SRRM4: variants seen among roughly 807,000 people sequenced by gnomAD.
SRRM4 encodes serine/arginine repetitive matrix 4.
A neutral mutation model predicts 68.9 loss-of-function variants in SRRM4; 33 were observed. That is an observed-to-expected ratio of 0.48 (90% CI 0.36 to 0.64). SRRM4 has a LOEUF of 0.64. SRRM4 is among the 30% of genes least tolerant of loss of function. The pLI is 0.00. For synonymous variants in SRRM4, 318 were observed against 318.8 expected (o/e 1.00, Z 0.03); for missense variants, 817 against 827.1 (o/e 0.99, Z 0.15).
At chr12:119,072,665 C>A (rs761570387) in intron 1 of SRRM4, among the ~76,000 whole-genome samples, 7 of 152,176 alleles carry the variant, frequency 4.6e-5, no homozygotes, top group Non-Finnish European at 1.0e-4. Context: ...CCTAGCCAGC[C>A]AGCCAGTCTG....
intron 2 of SRRM4, among the ~76,000 whole-genome samples, chr12:119,103,404 C>T (rs1448613939): frequency 6.6e-6 from 1 of 152,190 alleles, no homozygotes; most frequent in African/African-American, 2.4e-5. Flanking sequence ...GCTCCTCTCC[C>T]TCCATCCACC....
chr12:119,069,395 A>T (rs1270471511), intron 1 of SRRM4, among the ~76,000 whole-genome samples: 1 of 152,214 alleles, frequency 6.6e-6, no homozygotes, highest in Non-Finnish European at 1.5e-5. Flanking sequence ...CTCGACCAGC[A>T]TGGGGTGTGG....
chr12:119,114,452 G>A (rs1246972726), intron 3 of SRRM4, 88 bp downstream of exon 3: 7 of 1,048,322 alleles, frequency 6.7e-6, no homozygotes, highest in Non-Finnish European at 1.0e-5. Context: ...CTCCCTCTTG[G>A]GTTCAAATCC....
intron 1 of SRRM4, among the ~76,000 whole-genome samples, chr12:119,020,510 C>T (rs1432560892): frequency 6.6e-6 from 1 of 152,150 alleles, no homozygotes; most frequent in Non-Finnish European, 1.5e-5. Flanking sequence ...TTCGTCTTAT[C>T]AGTAACTGTC....
intron 7 of SRRM4, among the ~76,000 whole-genome samples, chr12:119,128,769 C>T (rs573363746): frequency 6.0e-4 from 92 of 152,198 alleles, no homozygotes; most frequent in Non-Finnish European, 1.1e-3. Context: ...AATTATCTCT[C>T]GGCAGCTAAG....
At chr12:119,095,938 C>T (rs113477647) in intron 1 of SRRM4, among the ~76,000 whole-genome samples, 11,034 of 127,080 alleles carry the variant, frequency 0.087, 502 homozygotes, top group Admixed American at 0.13. Flanking sequence ...CCAGCCTGGG[C>T]GATAGATTGA....
intron 1 of SRRM4, among the ~76,000 whole-genome samples, chr12:119,086,625 G>C (rs1296561416): frequency 6.6e-6 from 1 of 152,208 alleles, no homozygotes; most frequent in Middle Eastern, 3.2e-3. Context: ...TTATGCAGAA[G>C]GATGCAGCAG....
At chr12:119,071,632 G>T (rs1953878447) in intron 1 of SRRM4, among the ~76,000 whole-genome samples, 2 of 152,158 alleles carry the variant, frequency 1.3e-5, no homozygotes, top group South Asian at 4.1e-4. Context: ...TCACCTGAAA[G>T]AATTCCTTCA....
At chr12:119,042,363 GA>G (rs1953675420) in intron 1 of SRRM4, among the ~76,000 whole-genome samples, 1 of 152,042 alleles carries the variant, frequency 6.6e-6, no homozygotes. Context: ...AAGGAACGGA[GA>G]GGCAGCGACA....
intron 1 of SRRM4, among the ~76,000 whole-genome samples, chr12:119,064,347 A>G (rs115487478): frequency 6.6e-6 from 1 of 152,232 alleles, no homozygotes; most frequent in African/African-American, 2.4e-5. Context: ...GAATGTTTCA[A>G]ACAAAGGAAT....
chr12:119,071,068 A>G (rs567266984), intron 1 of SRRM4, among the ~76,000 whole-genome samples: 2 of 152,268 alleles, frequency 1.3e-5, no homozygotes, highest in East Asian at 3.9e-4. Flanking sequence ...GGCAGGCCAT[A>G]TTACACTGTG....
chr12:119,005,813 G>T (rs375073849), intron 1 of SRRM4, among the ~76,000 whole-genome samples: 1 of 152,140 alleles, frequency 6.6e-6, no homozygotes, highest in African/African-American at 2.4e-5. Context: ...TCTCGGGATG[G>T]GAAATGGGGG....
At chr12:119,122,453 A>G (rs557710296) in intron 6 of SRRM4, among the ~76,000 whole-genome samples, 10 of 152,258 alleles carry the variant, frequency 6.6e-5, no homozygotes, top group African/African-American at 2.4e-4. Flanking sequence ...TTTATGTTGC[A>G]TGAAAGGGTG....
Position 118,981,863 on chromosome 12 carries a change from C to T in SRRM4, c.-20C>T, listed in dbSNP as rs773743894. ...CACTTTGGACAGCGCCCCGGACGCC[C>T]CGGCCCCTTTGGGTTGGCGATGGCG... is the stretch of plus-strand genomic sequence containing the variant. On this transcript the variant is annotated 5_prime_UTR_variant, in exon 1 of 13. Transcript: ENST00000267260. 1 of 1,611,484 alleles carries T rather than the reference C, an allele frequency of 6.2e-7. No individual in the cohort carries two copies. The highest frequency in any genetic ancestry group is 8.5e-7 in the Non-Finnish European group (1 of 1,178,640).
chr12:119,105,864 G>A (rs1360130446), intron 2 of SRRM4, among the ~76,000 whole-genome samples: 1 of 152,186 alleles, frequency 6.6e-6, no homozygotes, highest in African/African-American at 2.4e-5. Flanking sequence ...TGTTGCCATT[G>A]CTTTTGGTGT....
intron 1 of SRRM4, among the ~76,000 whole-genome samples, chr12:119,056,898 T>C (rs1203375951): frequency 6.6e-6 from 1 of 152,232 alleles, no homozygotes; most frequent in African/African-American, 2.4e-5. Flanking sequence ...GTCTTGTTCA[T>C]TAAGTTTCTG....
chr12:119,145,237 G>A, intron 8 of SRRM4, 144 bp from the exon 9 acceptor site: 1 of 723,324 alleles, frequency 1.4e-6, no homozygotes, highest in South Asian at 2.4e-5. Flanking sequence ...TTGTGCTTTT[G>A]TTTTTTGGCG....
At chr12:118,995,648 T>C (rs915318399) in intron 1 of SRRM4, among the ~76,000 whole-genome samples, 3 of 152,216 alleles carry the variant, frequency 2.0e-5, no homozygotes, top group African/African-American at 7.2e-5. Context: ...TAAGTCTTTC[T>C]TGAGTGAGAA....
chr12:119,091,415 C>T (rs1954013783), intron 1 of SRRM4, among the ~76,000 whole-genome samples: 1 of 152,120 alleles, frequency 6.6e-6, no homozygotes, highest in Non-Finnish European at 1.5e-5. Flanking sequence ...CTTCAACCTC[C>T]CATCCCTCTC....
Sources: allele counts gnomAD v4.1 joint callset (sites outside exome capture counted in the v4.1 genomes callset), GRCh38; gene constraint gnomAD v4.1.1; transcripts MANE v1.5; gene names NCBI Gene and HGNC (gene_info 2026-07-23, HGNC 2026-07-21).